OSBPL10: variants seen among roughly 807,000 people sequenced by gnomAD.
The protein encoded by OSBPL10 is oxysterol-binding protein-related protein 10.
In OSBPL10, 49 loss-of-function variants were observed where a neutral mutation model predicts 81.7. The observed-to-expected ratio is 0.60, with a 90% CI of 0.48 to 0.76. OSBPL10 has a LOEUF of 0.76. Ranked by LOEUF, OSBPL10 falls within the 30% of genes least tolerant of loss-of-function variation. The probability of loss-of-function intolerance (pLI) is 0.00; values close to 1 mark genes in which losing one functional copy is unlikely to be tolerated. For missense variants in OSBPL10, 923 were observed against 987.8 expected, an observed-to-expected ratio of 0.93 and a Z score of 0.88; for synonymous variants, 419 against 383.6, an observed-to-expected ratio of 1.09 and a Z score of -1.08.
At chr3:32,041,494 C>T (rs1403753140) in intron 2 of OSBPL10, among the ~76,000 whole-genome samples, 1 of 152,112 alleles carries the variant, frequency 6.6e-6, no homozygotes, top group Admixed American at 6.5e-5. Flanking sequence ...CTGCAGCACA[C>T]TTAGGACAGG....
chr3:31,981,296 G>T, upstream of OSBPL10: 1 of 1,283,326 alleles, frequency 7.8e-7, no homozygotes, highest in Non-Finnish European at 9.8e-7. This position sits in a 1 kb window ranked among gnomAD's most constrained non-coding sequence, Gnocchi z 4.5. Context: ...CAAATCCCCG[G>T]GAAATGCCTG....
intron 9 of OSBPL10, 80 bp from the exon 10 acceptor site, chr3:31,668,904 A>T: frequency 1.8e-6 from 2 of 1,097,404 alleles, no homozygotes; most frequent in Non-Finnish European, 2.4e-6. Context: ...ATCTCTAGAG[A>T]TTTTTTTTTT....
chr3:32,063,509 G>A (rs1699761654), intron 1 of OSBPL10, among the ~76,000 whole-genome samples: 1 of 92,436 alleles, frequency 1.1e-5, no homozygotes, highest in Admixed American at 1.3e-4. Context: ...AATTTTTAAG[G>A]AAGATTCAGT....
chr3:31,852,871 G>A (rs1700805407), intron 3 of OSBPL10, among the ~76,000 whole-genome samples: 1 of 152,114 alleles, frequency 6.6e-6, no homozygotes, highest in Admixed American at 6.5e-5. Flanking sequence ...GAGCCACCAC[G>A]CCTGGCTATT....
intron 7 of OSBPL10, among the ~76,000 whole-genome samples, chr3:31,697,628 TAC>T (rs1413652045): frequency 2.6e-5 from 4 of 152,214 alleles, no homozygotes; most frequent in Non-Finnish European, 5.9e-5. Context: ...GCCAAAACTT[TAC>T]AGTCATCTTT....
chr3:31,941,547 C>T (rs554050691), intron 1 of OSBPL10, among the ~76,000 whole-genome samples: 2 of 152,208 alleles, frequency 1.3e-5, no homozygotes, highest in African/African-American at 4.8e-5. Context: ...CAAGTCTAGA[C>T]ACCTCAAACT....
chr3:31,704,735 A>T (rs1402067992), intron 6 of OSBPL10: 1 of 152,148 alleles, frequency 6.6e-6, no homozygotes, highest in African/African-American at 2.4e-5. Flanking sequence ...AAGCCATTGC[A>T]GGGGAAATCC....
intron 4 of OSBPL10, among the ~76,000 whole-genome samples, chr3:31,812,718 A>AAAAGAAAGAAAGAAAGAAAGAAAG (rs140026828): frequency 3.8e-4 from 16 of 41,912 alleles, no homozygotes; most frequent in Non-Finnish European, 5.1e-4. Flanking sequence ...TAGGCAAAAA[A>AAAAGAAAGAAAGAAAGAAAGAAAG]AAAGAAAGAA....
chr3:32,028,656 T>C (rs1337592939), intron 2 of OSBPL10, among the ~76,000 whole-genome samples: 2 of 152,178 alleles, frequency 1.3e-5, no homozygotes, highest in Non-Finnish European at 2.9e-5. Flanking sequence ...TTATGCTCTT[T>C]AAGGAGTTTG....
chr3:31,854,429 C>T (rs1361427908), intron 3 of OSBPL10, among the ~76,000 whole-genome samples: 1 of 152,090 alleles, frequency 6.6e-6, no homozygotes, highest in Non-Finnish European at 1.5e-5. Context: ...TCAGCTAAGA[C>T]AATAGCAAAT....
intron 2 of OSBPL10, among the ~76,000 whole-genome samples, chr3:32,044,368 T>C (rs1359820908): frequency 6.7e-6 from 1 of 148,542 alleles, no homozygotes; most frequent in Non-Finnish European, 1.5e-5. Flanking sequence ...TGGGAAATAA[T>C]ATATATATAA....
intron 4 of OSBPL10, 104 bp downstream of exon 4, chr3:31,829,936 T>C (rs1700195179): frequency 2.5e-6 from 3 of 1,188,752 alleles, no homozygotes; most frequent in Non-Finnish European, 3.4e-6. Context: ...GCTGGTCCTC[T>C]CTCCATAAAT....
intron 2 of OSBPL10, among the ~76,000 whole-genome samples, chr3:31,993,064 G>A (rs1230616955): frequency 6.6e-6 from 1 of 152,082 alleles, no homozygotes; most frequent in Non-Finnish European, 1.5e-5. Context: ...GGAAATGAAA[G>A]GTGAGCCAAA....
intron 6 of OSBPL10, among the ~76,000 whole-genome samples, chr3:31,710,418 C>A (rs73066088): frequency 0.081 from 12,397 of 152,162 alleles, 616 homozygotes; most frequent in Non-Finnish European, 0.11. Flanking sequence ...CTTCTCCCCC[C>A]ACAGCTTCCC....
At chr3:31,868,672 G>T (rs935200043) in intron 3 of OSBPL10, among the ~76,000 whole-genome samples, 3 of 151,840 alleles carry the variant, frequency 2.0e-5, no homozygotes, top group African/African-American at 4.8e-5. Context: ...TGAAAATATT[G>T]TAAGTTTCCA....
chr3:31,909,752 T>C (rs1170698025), intron 1 of OSBPL10, among the ~76,000 whole-genome samples: 3 of 152,090 alleles, frequency 2.0e-5, no homozygotes, highest in Non-Finnish European at 4.4e-5. Flanking sequence ...TCACATCCCA[T>C]GGGAAACACA....
intron 1 of OSBPL10, among the ~76,000 whole-genome samples, chr3:31,961,245 T>C (rs1698152055): frequency 1.3e-5 from 2 of 152,002 alleles, no homozygotes; most frequent in Admixed American, 1.3e-4. Flanking sequence ...TCCTTGTGGG[T>C]GAGGCTAGAT....
intron 4 of OSBPL10, among the ~76,000 whole-genome samples, chr3:31,752,984 A>C (rs183135684): frequency 1.3e-5 from 2 of 152,204 alleles, no homozygotes; most frequent in African/African-American, 4.8e-5. Flanking sequence ...TCAATTACTC[A>C]ATCTGTCTGG....
chr3:31,866,895 T>C (rs1384307482), intron 3 of OSBPL10, among the ~76,000 whole-genome samples: 2 of 152,170 alleles, frequency 1.3e-5, no homozygotes, highest in East Asian at 3.9e-4. Flanking sequence ...CATTAATATA[T>C]ACACTCCTCA....
Sources: allele counts gnomAD v4.1 joint callset (sites outside exome capture counted in the v4.1 genomes callset), GRCh38; gene constraint gnomAD v4.1.1; non-coding constraint Gnocchi (gnomAD v3.1); transcripts MANE v1.5; gene names NCBI Gene and HGNC (gene_info 2026-07-23, HGNC 2026-07-21).